The following SUCLG2 variants were observed in gnomAD, a reference collection of about 807,000 sequenced individuals.
The protein encoded by SUCLG2 is succinate--CoA ligase [GDP-forming] subunit beta, mitochondrial.
A neutral mutation model predicts 47.9 loss-of-function variants in SUCLG2; 42 were observed. That is an observed-to-expected ratio of 0.88 (90% CI 0.69 to 1.14). The LOEUF is 1.14. Ranked by LOEUF, SUCLG2 falls within the 50% of genes most tolerant of loss-of-function variation. The pLI is 0.00. For missense variants in SUCLG2, 571 were observed against 525.9 expected, an observed-to-expected ratio of 1.09 and a Z score of -0.84; for synonymous variants, 195 against 197.3, an observed-to-expected ratio of 0.99 and a Z score of 0.10.
In SUCLG2 at chr3:67,495,828, T is replaced by C. The variant is rs755821931; in HGVS notation, c.1032A>G (p.Gln344=). 31 of 1,613,870 alleles carry C rather than the reference T, an allele frequency of 1.9e-5. No individual in the cohort carries two copies. The highest frequency in any genetic ancestry group is 2.6e-5 in the Non-Finnish European group (31 of 1,179,976). ...GGGVKEAQVY[Q]AFKLLTADPK... ...GATCAGCTGTGAGCAATTTGAATGC[T>C]TGATATACTTGAGCTTCCTTTACAC... The change falls in exon 9 of 11, where the codon CAA becomes CAG. Residue 344 remains glutamine (Q), a synonymous_variant. Coordinates refer to ENST00000307227, the MANE Select transcript of SUCLG2 (RefSeq NM_003848.4).
intron 7 of SUCLG2, among the ~76,000 whole-genome samples, chr3:67,503,517 G>C (rs1023131840): frequency 2.0e-5 from 3 of 152,244 alleles, no homozygotes; most frequent in South Asian, 2.1e-4. Flanking sequence ...AAACTTGCCT[G>C]CTTAAACCCT....
At chr3:67,532,132 G>A (rs1706421294) in intron 2 of SUCLG2, among the ~76,000 whole-genome samples, 1 of 152,096 alleles carries the variant, frequency 6.6e-6, no homozygotes, top group Admixed American at 6.6e-5. Context: ...ATGAGTTGGG[G>A]TTTTATTTTT....
At position 67,614,468 on chromosome 3, in the gene SUCLG2, CCT is replaced by C. The variant is rs1357336707; in HGVS notation, c.85-4874_85-4873del. ...TCGGCCAACACCATTTCCTTCCTCT[CCT>C]ATGGCTCACGGAAGATTCCTGCTGT... On this transcript the variant is annotated intron_variant, in intron 1 of 10. Coordinates refer to ENST00000307227, the MANE Select transcript of SUCLG2 (RefSeq NM_003848.4). 3.3e-5 allele frequency among the ~76,000 whole-genome samples: 5 copies of C among 151,902 alleles called. 1 individual carries two copies. In the East Asian group the frequency reaches 9.8e-4, roughly 30 times the overall value.
chr3:67,451,387 G>A (rs377669595), intron 9 of SUCLG2, among the ~76,000 whole-genome samples: 33 of 152,256 alleles, frequency 2.2e-4, no homozygotes, highest in African/African-American at 6.5e-4. Context: ...CTTCGTTTTC[G>A]TAAGTAAGTC....
At chr3:67,493,235 G>T (rs538132087) in intron 9 of SUCLG2, among the ~76,000 whole-genome samples, 6 of 152,242 alleles carry the variant, frequency 3.9e-5, no homozygotes, top group Admixed American at 1.3e-4. Context: ...TTTGTGAAAC[G>T]AAGCCAGGAT....
intron 10 of SUCLG2, chr3:67,376,417 T>A (rs1045933174): frequency 5.1e-5 from 50 of 985,300 alleles, no homozygotes; most frequent in Non-Finnish European, 5.9e-5. Context: ...ATCTGGAGTA[T>A]CTTCTGGCCA....
chr3:67,578,850 G>C (rs1707810981), intron 2 of SUCLG2, among the ~76,000 whole-genome samples: 1 of 152,192 alleles, frequency 6.6e-6, no homozygotes. Flanking sequence ...TGATGGGACT[G>C]AACCTGGGCC....
chr3:67,428,036 G>T (rs891968284), intron 9 of SUCLG2, among the ~76,000 whole-genome samples: 1 of 152,188 alleles, frequency 6.6e-6, no homozygotes, highest in African/African-American at 2.4e-5. Context: ...CACCTCTGGG[G>T]GCCGGGCATA....
intron 9 of SUCLG2, among the ~76,000 whole-genome samples, chr3:67,438,420 C>T (rs1285182653): frequency 6.6e-6 from 1 of 151,256 alleles, no homozygotes; most frequent in Non-Finnish European, 1.5e-5. Context: ...AAAAACTCAT[C>T]CTCCCACCCA....
intron 10 of SUCLG2, among the ~76,000 whole-genome samples, chr3:67,362,164 C>T (rs1325973011): frequency 6.6e-6 from 1 of 152,190 alleles, no homozygotes; most frequent in Non-Finnish European, 1.5e-5. Context: ...ATCTGATATA[C>T]TTTCCAACAC....
At chr3:67,528,395 T>C (rs1706312460) in intron 3 of SUCLG2, among the ~76,000 whole-genome samples, 173 bp from the exon 4 acceptor site, 1 of 152,180 alleles carries the variant, frequency 6.6e-6, no homozygotes, top group African/African-American at 2.4e-5. Context: ...AGAGGCTCAC[T>C]GAGAGCAAAA....
At position 67,409,534 on chromosome 3, in the gene SUCLG2, T is replaced by C. The variant is rs76826344; in HGVS notation, c.1063-8683A>G. ...TTTGAACTGTTAACAATGTCTGCCATGGAAGTGGAGGAAAGAGTCAATGCA... is the reference window on the plus strand; with the variant it reads ...TTTGAACTGTTAACAATGTCTGCCACGGAAGTGGAGGAAAGAGTCAATGCA... On this transcript the variant is annotated intron_variant, in intron 9 of 10. Transcript: ENST00000307227. 4.6e-3 allele frequency among the ~76,000 whole-genome samples: 704 copies of C among 152,196 alleles called. 2 individuals are homozygous for C. The highest frequency in any genetic ancestry group is 8.2e-3 in the Non-Finnish European group (557 of 67,994).
intron 2 of SUCLG2, among the ~76,000 whole-genome samples, chr3:67,544,535 C>G (rs141484500): frequency 4.6e-5 from 7 of 152,140 alleles, no homozygotes; most frequent in African/African-American, 1.4e-4. Flanking sequence ...CCCAGCCACG[C>G]GGAACTGTGA....
intron 5 of SUCLG2, among the ~76,000 whole-genome samples, 174 bp from the exon 6 acceptor site, chr3:67,518,510 G>T (rs577479281): frequency 6.6e-6 from 1 of 152,298 alleles, no homozygotes; most frequent in South Asian, 2.1e-4. Context: ...TTAATTAGCA[G>T]ACCATCTATA....
At chr3:67,609,719 G>T in intron 1 of SUCLG2, 123 bp from the exon 2 acceptor site, 1 of 861,780 alleles carries the variant, frequency 1.2e-6, no homozygotes, top group South Asian at 2.6e-5. Flanking sequence ...GTTGAGAGAA[G>T]CAAAAGAAAA....
intron 9 of SUCLG2, among the ~76,000 whole-genome samples, chr3:67,472,980 TAA>T (rs1704641646): frequency 6.6e-6 from 1 of 152,176 alleles, no homozygotes; most frequent in South Asian, 2.1e-4. Flanking sequence ...AAATGGCCAC[TAA>T]AAATCTTGTT....
chr3:67,636,374 A>G (rs1272465322), intron 1 of SUCLG2, among the ~76,000 whole-genome samples: 20 of 148,162 alleles, frequency 1.3e-4, no homozygotes, highest in African/African-American at 4.5e-4. Flanking sequence ...TTTTTTTGAG[A>G]CAGAGTCTTG....
At chr3:67,574,536 G>A (rs2772453) in intron 2 of SUCLG2, among the ~76,000 whole-genome samples, 102,136 of 152,084 alleles carry the variant, frequency 0.67, 36,697 homozygotes, top group Non-Finnish European at 0.8. Flanking sequence ...GACTCTCACC[G>A]CATACCATGC....
intron 4 of SUCLG2, among the ~76,000 whole-genome samples, chr3:67,523,113 G>A (rs1226816009): frequency 9.2e-5 from 14 of 152,082 alleles, no homozygotes; most frequent in African/African-American, 2.9e-4. Context: ...AAGTAGTTTA[G>A]TGATGGGTTC....
Sources: gnomAD v4.1 joint callset for allele counts (sites outside exome capture counted in the v4.1 genomes callset) on GRCh38, gnomAD v4.1.1 for gene constraint, MANE v1.5 for transcripts, NCBI Gene and HGNC (gene_info 2026-07-23, HGNC 2026-07-21) for gene names.